CCDC66: variants seen among roughly 807,000 people sequenced by gnomAD.
CCDC66 encodes coiled-coil domain containing 66.
Under a neutral mutation model 128.3 loss-of-function variants are expected in CCDC66, and 133 were observed. That is an observed-to-expected ratio of 1.04 (90% CI 0.90 to 1.20). The LOEUF (loss-of-function observed/expected upper bound fraction) is 1.20. CCDC66 is among the 50% of genes most tolerant of loss of function. CCDC66 has a pLI of 0.00. For missense variants in CCDC66, 1,126 were observed against 1,075.5 expected, an observed-to-expected ratio of 1.05 and a Z score of -0.66; for synonymous variants, 387 against 357.0, an observed-to-expected ratio of 1.08 and a Z score of -0.95.
At chr3:56,584,934 A>G (rs1330603984) in intron 7 of CCDC66, among the ~76,000 whole-genome samples, 1 of 151,946 alleles carries the variant, frequency 6.6e-6, no homozygotes, top group Non-Finnish European at 1.5e-5. Context: ...CACCAAAAAA[A>G]TATGAAAACC....
chr3:56,593,071 A>C lies in CCDC66; in HGVS notation c.1038A>C (p.Arg346Ser). 6.2e-7 allele frequency: 1 copy of C among 1,603,214 alleles called. No individual in the cohort carries two copies. The highest frequency in any genetic ancestry group is 8.5e-7 in the Non-Finnish European group (1 of 1,173,870). The change falls in exon 8 of 18, where the codon AGA becomes AGC. Residue 346 changes from arginine (R) to serine (S), a missense_variant. Transcript: ENST00000394672. ...LNKQIEDDRQ[R>S]KIEEKIIYSK... ...AGCAAATAGAAGATGACCGTCAAAG[A>C]AAAATAGAGGAAAAAATTATATATT...
intron 7 of CCDC66, among the ~76,000 whole-genome samples, chr3:56,587,582 AAAG>A (rs2070028348): frequency 3.9e-5 from 6 of 152,188 alleles, no homozygotes; most frequent in Admixed American, 2.0e-4. Context: ...TAAAGAACTA[AAAG>A]TTAGGCTGGG....
chr3:56,603,280 T>C (rs1268458239), intron 10 of CCDC66, among the ~76,000 whole-genome samples: 1 of 152,088 alleles, frequency 6.6e-6, no homozygotes, highest in Non-Finnish European at 1.5e-5. Context: ...CGTGTCTGTA[T>C]CTCCTACAGT....
At chr3:56,561,379 G>A (rs1239243598) in intron 3 of CCDC66, 1 of 415,082 alleles carries the variant, frequency 2.4e-6, no homozygotes, top group East Asian at 7.1e-5. Flanking sequence ...TGGATTTTTG[G>A]TAGGCCTATA....
At chr3:56,613,105 G>C (rs1397092605) in intron 10 of CCDC66, among the ~76,000 whole-genome samples, 1 of 152,204 alleles carries the variant, frequency 6.6e-6, no homozygotes, top group Non-Finnish European at 1.5e-5. Context: ...AGGACCACTA[G>C]GGACTGGGCT....
chr3:56,577,632 C>T (rs1218821406), intron 7 of CCDC66, among the ~76,000 whole-genome samples: 2 of 151,858 alleles, frequency 1.3e-5, no homozygotes, highest in Non-Finnish European at 2.9e-5. Context: ...CAGTTTTCTG[C>T]ATATGGCTAG....
chr3:56,599,717 G>C (rs753202168), intron 10 of CCDC66, among the ~76,000 whole-genome samples: 18 of 151,852 alleles, frequency 1.2e-4, no homozygotes, highest in Non-Finnish European at 2.2e-4. Flanking sequence ...TTGATTACTG[G>C]TTTTGTTCCA....
chr3:56,589,563 A>G (rs762305127), intron 7 of CCDC66, among the ~76,000 whole-genome samples: 11 of 152,200 alleles, frequency 7.2e-5, no homozygotes, highest in Non-Finnish European at 1.3e-4. Context: ...AATGATAGTC[A>G]TCATATTTAT....
intron 17 of CCDC66, 118 bp from the exon 18 acceptor site, chr3:56,621,414 A>T (rs1280861390): frequency 2.8e-5 from 19 of 668,626 alleles, no homozygotes; most frequent in Non-Finnish European, 3.9e-5. Context: ...AAATTTTTGA[A>T]TGACAAAATT....
intron 7 of CCDC66, among the ~76,000 whole-genome samples, chr3:56,580,512 C>G (rs1244841917): frequency 1.3e-5 from 2 of 151,808 alleles, no homozygotes; most frequent in Admixed American, 1.3e-4. Context: ...CCTCGATGGT[C>G]TTTACAATTT....
rs145464080 is a variant in CCDC66 at position 56,604,620 on chromosome 3, C to T, written c.1405-8969C>T. 5.8e-3 allele frequency among the ~76,000 whole-genome samples: 887 copies of T among 151,886 alleles called. 19 individuals carry two copies. Among genetic ancestry groups the T allele is most frequent in the African/African-American group, 0.021 (855 of 41,286 alleles). On this transcript the variant is annotated intron_variant, in intron 10 of 17. Coordinates refer to ENST00000394672, the MANE Select transcript of CCDC66 (RefSeq NM_001141947.3). The stretch of plus-strand genomic sequence containing the variant: ...GTTGAATATTGGCCCCAACTCTCTC[C>T]TGGCTCGTAGAGTTTCTGCAGAGAG...
chr3:56,571,217 T>A lies in CCDC66; in HGVS notation c.851T>A (p.Val284Asp). The change falls in exon 7 of 18, where the codon GTT (valine) becomes GAT (aspartate). Residue 284 changes from valine to aspartate, a missense_variant. Val to Asp is a radical substitution (Grantham distance 152). Coordinates refer to ENST00000394672, the MANE Select transcript of CCDC66 (RefSeq NM_001141947.3). ...QVALKKKEKE[V>D]SEKWNDPWKK... Reference sequence around the variant, plus strand: ...GCTTTAAAGAAGAAAGAAAAAGAAGTTTCTGAAAAATGGAATGATCCTTGG... The same window carrying A: ...GCTTTAAAGAAGAAAGAAAAAGAAGATTCTGAAAAATGGAATGATCCTTGG... 1 of 1,535,134 alleles carries A rather than the reference T, an allele frequency of 6.5e-7. No homozygotes were observed. The highest frequency in any genetic ancestry group is 8.9e-7 in the Non-Finnish European group (1 of 1,126,062).
At chr3:56,606,916 T>G (rs964086071) in intron 10 of CCDC66, among the ~76,000 whole-genome samples, 1 of 152,176 alleles carries the variant, frequency 6.6e-6, no homozygotes, top group Non-Finnish European at 1.5e-5. Context: ...CCCCACTTCA[T>G]GTTTTTGTTT....
intron 10 of CCDC66, among the ~76,000 whole-genome samples, chr3:56,601,993 C>T (rs1229922897): frequency 2.0e-5 from 3 of 152,108 alleles, no homozygotes; most frequent in Non-Finnish European, 4.4e-5. Flanking sequence ...TTGGCCAGAA[C>T]TTCCAATACT....
chr3:56,596,625 A>C (rs282525), intron 10 of CCDC66, among the ~76,000 whole-genome samples: 125,891 of 151,878 alleles, frequency 0.83, 52,864 homozygotes, highest in Non-Finnish European at 0.91. Context: ...CCCTATTCGT[A>C]TGTTTTTGGT....
intron 10 of CCDC66, among the ~76,000 whole-genome samples, chr3:56,602,336 G>T (rs2073319337): frequency 2.6e-5 from 4 of 152,052 alleles, no homozygotes; most frequent in African/African-American, 9.7e-5. Flanking sequence ...GATCGTGCTG[G>T]ATAAGCTTTT....
Position 56,619,329 on chromosome 3 carries a change from T to G in CCDC66, c.2437T>G (p.Leu813Val), listed in dbSNP as rs1303631979. Residue 813 changes from leucine (L) to valine (V), a missense_variant, in exon 16 of 18, where the codon TTA becomes GTA. Transcript: ENST00000394672. Reference sequence around the variant, plus strand: ...CAGAACCCAACAAACTCAAAATACATTACATTTACCACTAAAAAACAGTAG... The same window carrying G: ...CAGAACCCAACAAACTCAAAATACAGTACATTTACCACTAAAAAACAGTAG... ...KNRTQQTQNTLHLPLKNSSYE... is the reference protein window; with the variant it reads ...KNRTQQTQNTVHLPLKNSSYE... 3.7e-6 allele frequency: 6 copies of G among 1,613,264 alleles called. No homozygotes were observed. Among genetic ancestry groups the G allele is most frequent in the Admixed American group, 1.7e-5 (1 of 59,972 alleles).
At chr3:56,565,159 AG>A (rs2107765278) in intron 4 of CCDC66, 1 of 426,036 alleles carries the variant, frequency 2.3e-6, no homozygotes, top group East Asian at 7.3e-5. Context: ...ATTCATGAAA[AG>A]GTTTTCCACT....
At chr3:56,589,542 A>G (rs751853039) in intron 7 of CCDC66, among the ~76,000 whole-genome samples, 25 of 152,216 alleles carry the variant, frequency 1.6e-4, no homozygotes, top group Non-Finnish European at 3.5e-4. Context: ...TAGGTTTAAC[A>G]TTCACAAATC....
Sources: allele counts gnomAD v4.1 joint callset (sites outside exome capture counted in the v4.1 genomes callset), GRCh38; gene constraint gnomAD v4.1.1; transcripts MANE v1.5; gene names NCBI Gene and HGNC (gene_info 2026-07-23, HGNC 2026-07-21).